Variants in ACSL5 observed in about 807,000 individuals in gnomAD.
ACSL5 encodes the protein acyl-CoA synthetase long chain family member 5.
In ACSL5, 50 loss-of-function variants were observed where a neutral mutation model predicts 84.9. The ratio of observed to expected loss-of-function variants is 0.59; its 90% CI spans 0.47 to 0.75. The LOEUF (loss-of-function observed/expected upper bound fraction) is 0.75, where lower values mean the gene tolerates loss of function less well. Ranked by LOEUF, ACSL5 falls within the 30% of genes least tolerant of loss-of-function variation. The pLI, the probability that ACSL5 is intolerant of heterozygous loss-of-function variation, is 0.00. For synonymous variants in ACSL5, 280 were observed against 300.7 expected (o/e 0.93, Z 0.71); for missense variants, 775 against 830.4 (o/e 0.93, Z 0.82).
chr10:112,406,153 C>T (rs1461610415), intron 5 of ACSL5: 1 of 152,166 alleles, frequency 6.6e-6, no homozygotes, highest in Non-Finnish European at 1.5e-5. Flanking sequence ...CTGCCATAAT[C>T]TAATACACAG....
intron 3 of ACSL5, among the ~76,000 whole-genome samples, chr10:112,400,610 T>A (rs1345533359): frequency 6.6e-6 from 1 of 151,992 alleles, no homozygotes; most frequent in Admixed American, 6.6e-5. Context: ...GGTTTCACCA[T>A]CTTGGCCAGG....
At chr10:112,410,265 A>C (rs1434385923) in intron 7 of ACSL5, 198 bp from the exon 8 acceptor site, 28 of 1,538,052 alleles carry the variant, frequency 1.8e-5, no homozygotes. Flanking sequence ...TAGGTAGATG[A>C]TTTTCTAGAG....
chr10:112,423,492 A>G (rs1255130093), intron 17 of ACSL5, among the ~76,000 whole-genome samples: 1 of 151,596 alleles, frequency 6.6e-6, no homozygotes, highest in Non-Finnish European at 1.5e-5. Context: ...CTACCACACC[A>G]GAAGTACTGC....
At chr10:112,403,703 C>G (rs771347537) in intron 3 of ACSL5, among the ~76,000 whole-genome samples, 10 of 152,214 alleles carry the variant, frequency 6.6e-5, no homozygotes, top group Non-Finnish European at 1.5e-4. Context: ...GTCTAGGTAT[C>G]AAAAGCCTGA....
At chr10:112,427,114 C>T in intron 20 of ACSL5, 104 bp from the exon 21 acceptor site, 1 of 1,214,986 alleles carries the variant, frequency 8.2e-7, no homozygotes, top group Non-Finnish European at 1.2e-6. Context: ...TTACCTTTAC[C>T]CTTTCACTGC....
chr10:112,411,856 G>T, intron 10 of ACSL5, 46 bp from the exon 11 acceptor site: 1 of 1,528,990 alleles, frequency 6.5e-7, no homozygotes, highest in South Asian at 1.1e-5. Context: ...ATTGAAAGTT[G>T]GCATTAATCT....
At chr10:112,400,263 G>C (rs1190799195) in intron 3 of ACSL5, among the ~76,000 whole-genome samples, 2 of 151,896 alleles carry the variant, frequency 1.3e-5, no homozygotes, top group Non-Finnish European at 2.9e-5. Flanking sequence ...CCAGGCTAGA[G>C]TGCAGTGGTG....
At chr10:112,415,771 C>T (rs1329613203) in intron 12 of ACSL5, among the ~76,000 whole-genome samples, 1 of 152,170 alleles carries the variant, frequency 6.6e-6, no homozygotes. Context: ...AGGGATTCTT[C>T]AAATTTTGAA....
At chr10:112,398,257 G>A (rs1843791544) in intron 2 of ACSL5, among the ~76,000 whole-genome samples, 1 of 7,040 alleles carries the variant, frequency 1.4e-4, no homozygotes, top group African/African-American at 3.5e-4. Flanking sequence ...AGTAGAGACG[G>A]GGTTTCACCG....
chr10:112,399,554 G>A (rs1465038089), intron 3 of ACSL5, among the ~76,000 whole-genome samples: 1 of 152,072 alleles, frequency 6.6e-6, no homozygotes, highest in Non-Finnish European at 1.5e-5. Context: ...GCTTTGACAC[G>A]TTCATTTGGA....
intron 15 of ACSL5, 112 bp downstream of exon 15, chr10:112,421,777 G>A (rs1020741847): frequency 6.1e-5 from 83 of 1,359,056 alleles, no homozygotes; most frequent in South Asian, 4.1e-4. Context: ...TGTGGCAAAT[G>A]CAAAATTCAA....
At chr10:112,387,570 C>A (rs1248564617) in intron 1 of ACSL5, among the ~76,000 whole-genome samples, 1 of 152,148 alleles carries the variant, frequency 6.6e-6, no homozygotes, top group Non-Finnish European at 1.5e-5. Flanking sequence ...AAATGGAAAT[C>A]CCAGCTCAAA....
rs531455951 is a variant in ACSL5, at chr10:112,404,540, C to A, written c.295C>A (p.Pro99Thr). ...TGGGCCCTGCTTGGGATATAGAAAA[C>A]CAAACCAGCCCTACAGATGGCTATC... ...DNGPCLGYRK[P>T]NQPYRWLSYK... The change falls in exon 4 of 21, where the codon CCA (proline) becomes ACA (threonine). Residue 99 changes from proline to threonine, a missense_variant. Physicochemically the swap from Pro to Thr is conservative, Grantham distance 38 (BLOSUM62 -1). Transcript: ENST00000354655. 2.5e-5 allele frequency: 41 copies of A among 1,613,696 alleles called. No homozygotes were observed. The East Asian group carries it at 5.8e-4, about 23-fold the overall frequency.
At chr10:112,413,500 C>T (rs1426557150) in intron 12 of ACSL5, among the ~76,000 whole-genome samples, 193 bp downstream of exon 12, 2 of 152,146 alleles carry the variant, frequency 1.3e-5, no homozygotes, top group African/African-American at 2.4e-5. Flanking sequence ...CCAAGGCAGG[C>T]AGATTGCCTG....
At chr10:112,422,272 G>A (rs1476578035) in intron 16 of ACSL5, 53 bp from the exon 17 acceptor site, 14 of 1,496,876 alleles carry the variant, frequency 9.4e-6, no homozygotes, top group Middle Eastern at 2.1e-4. Flanking sequence ...AACTGCCCAC[G>A]CTGGGAGGAG....
chr10:112,414,232 TTATC>T (rs1234501838), intron 12 of ACSL5, among the ~76,000 whole-genome samples: 1 of 152,206 alleles, frequency 6.6e-6, no homozygotes, highest in Non-Finnish European at 1.5e-5. Context: ...TTCTTTTTAT[TTATC>T]AATCTTCAGA....
chr10:112,388,203 G>A (rs142757564), intron 1 of ACSL5, among the ~76,000 whole-genome samples: 12 of 152,240 alleles, frequency 7.9e-5, no homozygotes, highest in Admixed American at 4.6e-4. Context: ...GCCTCCCAAC[G>A]TGCTGGGATT....
chr10:112,413,118 TC>T, intron 11 of ACSL5, 54 bp from the exon 12 acceptor site: 1 of 1,594,344 alleles, frequency 6.3e-7, no homozygotes. Flanking sequence ...CCAAGACAGG[TC>T]CCCACTAAAG....
intron 5 of ACSL5, chr10:112,406,824 G>A (rs900900519): frequency 2.6e-5 from 4 of 152,214 alleles, no homozygotes; most frequent in Non-Finnish European, 5.9e-5. Context: ...GAGCAAAGGG[G>A]GTGGAAAGCC....
Sources: gnomAD v4.1 joint callset for allele counts (sites outside exome capture counted in the v4.1 genomes callset) on GRCh38, gnomAD v4.1.1 for gene constraint, MANE v1.5 for transcripts, NCBI Gene and HGNC (gene_info 2026-07-23, HGNC 2026-07-21) for gene names.